HIPK3: variants seen among roughly 807,000 people sequenced by gnomAD.
HIPK3 encodes homeodomain interacting protein kinase 3.
A neutral mutation model predicts 124.2 loss-of-function variants in HIPK3; 47 were observed. The ratio of observed to expected loss-of-function variants is 0.38; its 90% CI spans 0.30 to 0.48. HIPK3 has a LOEUF of 0.48. Among genes scored for constraint, HIPK3 ranks in the 20% least tolerant of loss-of-function variants. HIPK3 has a pLI of 0.98. For synonymous variants in HIPK3, 482 were observed against 515.2 expected (o/e 0.94, Z 0.87); for missense variants, 1,286 against 1,454.3 (o/e 0.88, Z 1.88).
intron 2 of HIPK3, among the ~76,000 whole-genome samples, chr11:33,299,585 A>AT (rs1169555443): frequency 6.6e-6 from 1 of 152,216 alleles, no homozygotes; most frequent in Non-Finnish European, 1.5e-5. Flanking sequence ...AACTTAGTTG[A>AT]TAAAGCCAGC....
intron 2 of HIPK3, among the ~76,000 whole-genome samples, chr11:33,318,553 C>T (rs1852572906): frequency 6.6e-6 from 1 of 152,146 alleles, no homozygotes; most frequent in African/African-American, 2.4e-5. Context: ...TGGGTTAATA[C>T]TCATGCTTAG....
rs768782322 is a variant in HIPK3 at position 33,353,451 on chromosome 11, C to T, written c.3531C>T (p.Thr1177=). Residue 1177 remains threonine, a synonymous_variant, in exon 17 of 17, where the codon ACC becomes ACT. Transcript: ENST00000303296. The part of the protein sequence containing the change: ...GLNPRLLPSP[T]IHQTQYKPIF... ...ATCCCCGTCTGTTACCATCCCCAAC[C>T]ATTCATCAGACTCAGTACAAACCAA... The T allele has an allele frequency of 3.7e-6, 6 of 1,613,598 alleles. No homozygotes were observed. In the East Asian group the frequency reaches 1.1e-4, roughly 30 times the overall value.
Position 33,287,199 on chromosome 11 carries a change from A to G in HIPK3, c.785A>G (p.Tyr262Cys). ...GATGAATATAACTTTGTACGAGCTTATGAATGCTTTCAGCACCGTAACCAT... is the reference window on the plus strand; with the variant it reads ...GATGAATATAACTTTGTACGAGCTTGTGAATGCTTTCAGCACCGTAACCAT... ...NADEYNFVRA[Y>C]ECFQHRNHTC... The change falls in exon 2 of 17, where the codon TAT becomes TGT. Residue 262 changes from tyrosine to cysteine, a missense_variant. By Grantham distance (194) the Tyr-to-Cys change is radical. Around this residue, in one of 3 missense-constraint regions of HIPK3, gnomAD observed 251 missense variants for 349.1 expected, o/e 0.72. Coordinates refer to ENST00000303296, the MANE Select transcript of HIPK3 (RefSeq NM_005734.5). 1.9e-6 allele frequency: 3 copies of G among 1,614,216 alleles called. No individual in the cohort carries two copies. The highest frequency in any genetic ancestry group is 1.7e-6 in the Non-Finnish European group (2 of 1,180,036).
chr11:33,316,913 G>C (rs1852519251), intron 2 of HIPK3, among the ~76,000 whole-genome samples: 1 of 152,148 alleles, frequency 6.6e-6, no homozygotes, highest in Non-Finnish European at 1.5e-5. Context: ...CTTATAGTAA[G>C]AAAACTAGTA....
intron 2 of HIPK3, among the ~76,000 whole-genome samples, chr11:33,321,333 G>A (rs528525546): frequency 1.4e-3 from 209 of 152,296 alleles, no homozygotes; most frequent in African/African-American, 4.8e-3. Context: ...TGTATAAACA[G>A]TGCTTTCAAG....
At chr11:33,288,141 C>T (rs1851605800) in intron 2 of HIPK3, among the ~76,000 whole-genome samples, 1 of 152,236 alleles carries the variant, frequency 6.6e-6, no homozygotes, top group African/African-American at 2.4e-5. Context: ...GAAAGTTATT[C>T]TGATTAATGA....
intron 2 of HIPK3, among the ~76,000 whole-genome samples, chr11:33,312,763 C>CT (rs1852389855): frequency 6.6e-6 from 1 of 152,182 alleles, no homozygotes; most frequent in Non-Finnish European, 1.5e-5. Context: ...CTCAAGCACT[C>CT]TTAACTTGTG....
intron 8 of HIPK3, among the ~76,000 whole-genome samples, chr11:33,347,004 C>A (rs1369913595): frequency 2.0e-5 from 3 of 152,102 alleles, no homozygotes; most frequent in Middle Eastern, 3.4e-3. Flanking sequence ...GCCTGAGCAA[C>A]ATAGACCCTG....
upstream of HIPK3, chr11:33,257,358 A>AGGGGCCCGAGGCT: frequency 2.0e-6 from 2 of 984,372 alleles, no homozygotes; most frequent in Non-Finnish European, 2.4e-6. Flanking sequence ...AGCGCGGAGG[A>AGGGGCCCGAGGCT]GGGGCCCGAG....
At chr11:33,331,187 A>G (rs1385360153) in intron 3 of HIPK3, among the ~76,000 whole-genome samples, 2 of 151,952 alleles carry the variant, frequency 1.3e-5, no homozygotes, top group Non-Finnish European at 2.9e-5. Flanking sequence ...CTGGCCACAT[A>G]TGTTTCTCAG....
rs1416461728 is a variant in HIPK3, at chr11:33,356,780, C to A, written c.*3212C>A. On this transcript the variant is annotated 3_prime_UTR_variant, in exon 17 of 17. Transcript: ENST00000303296. ...TTACTCCTATGCTACACTAGTTTGCCATGTAGCAATTGCACTGTGCAATAT... is the reference window on the plus strand; with the variant it reads ...TTACTCCTATGCTACACTAGTTTGCAATGTAGCAATTGCACTGTGCAATAT... 1 of 151,958 alleles carries A rather than the reference C, an allele frequency of 6.6e-6. No individual in the cohort carries two copies. The highest frequency in any genetic ancestry group is 2.1e-4 in the South Asian group (1 of 4,826). 9.4% of individuals were successfully genotyped at this position (151,958 alleles called of 1,614,324 possible).
At chr11:33,317,870 C>A (rs1279846395) in intron 2 of HIPK3, among the ~76,000 whole-genome samples, 1 of 152,194 alleles carries the variant, frequency 6.6e-6, no homozygotes, top group African/African-American at 2.4e-5. Context: ...TAGATGGTCA[C>A]ATCCACTGTT....
At chr11:33,326,714 C>T (rs1334487168) in intron 2 of HIPK3, among the ~76,000 whole-genome samples, 2 of 151,424 alleles carry the variant, frequency 1.3e-5, no homozygotes, top group Admixed American at 6.6e-5. Flanking sequence ...CTCTGTCCCT[C>T]AGGCTGGAGT....
intron 1 of HIPK3, among the ~76,000 whole-genome samples, chr11:33,273,532 A>G (rs1163164369): frequency 6.6e-6 from 1 of 150,910 alleles, no homozygotes; most frequent in Non-Finnish European, 1.5e-5. Context: ...AAAAAAAAAA[A>G]AAAAAAGAAG....
At chr11:33,350,654 A>C (rs1469085414) in intron 14 of HIPK3, among the ~76,000 whole-genome samples, 6 of 152,178 alleles carry the variant, frequency 3.9e-5, no homozygotes, top group Non-Finnish European at 8.8e-5. Flanking sequence ...AGCCTGGGCA[A>C]CAGAGTAAGA....
At chr11:33,265,271 A>G (rs12416908) in intron 1 of HIPK3, among the ~76,000 whole-genome samples, 242 of 152,352 alleles carry the variant, frequency 1.6e-3, no homozygotes, top group African/African-American at 5.5e-3. Context: ...GACATTTTCA[A>G]TGGAGACAGT....
intron 4 of HIPK3, among the ~76,000 whole-genome samples, chr11:33,337,465 C>T (rs1853187654): frequency 1.3e-5 from 2 of 151,662 alleles, no homozygotes. Context: ...AACCAATTCG[C>T]CTGCCTCAGC....
intron 2 of HIPK3, among the ~76,000 whole-genome samples, chr11:33,297,694 G>A (rs1007639867): frequency 6.7e-6 from 1 of 150,320 alleles, no homozygotes; most frequent in African/African-American, 2.4e-5. Context: ...AGATGAAACA[G>A]CTTTATATTG....
At chr11:33,308,192 C>G (rs531924867) in intron 2 of HIPK3, among the ~76,000 whole-genome samples, 1 of 152,314 alleles carries the variant, frequency 6.6e-6, no homozygotes, top group South Asian at 2.1e-4. Context: ...ATAACAGTGA[C>G]AGCTGCCATA....
Sources: gnomAD v4.1 joint callset for allele counts (sites outside exome capture counted in the v4.1 genomes callset) on GRCh38, gnomAD v4.1.1 for gene constraint, gnomAD v4.1.1 regional missense constraint, MANE v1.5 for transcripts, NCBI Gene and HGNC (gene_info 2026-07-23, HGNC 2026-07-21) for gene names.